The following NTRK2 variants were observed in gnomAD, a reference collection of about 807,000 sequenced individuals.
NTRK2 encodes neurotrophic receptor tyrosine kinase 2, also known as BDNF/NT-3 growth factors receptor.
Under a neutral mutation model 94.5 loss-of-function variants are expected in NTRK2, and 13 were observed. The ratio of observed to expected loss-of-function variants is 0.14; its 90% CI spans 0.09 to 0.22. The LOEUF is 0.22. Among genes scored for constraint, NTRK2 ranks in the 10% least tolerant of loss-of-function variants. The pLI is 1.00. For synonymous variants in NTRK2, 372 were observed against 407.4 expected, an observed-to-expected ratio of 0.91 and a Z score of 1.05; for missense variants, 639 against 1,071.2, an observed-to-expected ratio of 0.60 and a Z score of 5.63.
chr9:84,837,564 G>A (rs1291488555), intron 12 of NTRK2, among the ~76,000 whole-genome samples: 1 of 152,114 alleles, frequency 6.6e-6, no homozygotes, highest in African/African-American at 2.4e-5. Flanking sequence ...TGCTTTCGAG[G>A]GAGGCTTTGT....
intron 17 of NTRK2, among the ~76,000 whole-genome samples, chr9:84,996,241 A>G (rs1323127222): frequency 6.6e-6 from 1 of 152,260 alleles, no homozygotes; most frequent in Non-Finnish European, 1.5e-5. Flanking sequence ...GTGTGTGATT[A>G]AGCACTCTGA....
At position 84,724,277 on chromosome 9, in the gene NTRK2, T is replaced by A. The variant is rs760889003; in HGVS notation, c.774T>A (p.Asp258Glu). The A allele has an allele frequency of 6.2e-7, 1 of 1,614,182 alleles. No homozygotes were observed. The change falls in exon 8 of 19, where the codon GAT becomes GAA. Residue 258 changes from aspartate to glutamate, a missense_variant. Physicochemically the swap from Asp to Glu is conservative, Grantham distance 45. Transcript: ENST00000277120. ...TAAGGATAACTAACATTTCATCCGATGACAGTGGGAAGCAGATCTCTTGTG... is the reference window on the plus strand; with the variant it reads ...TAAGGATAACTAACATTTCATCCGAAGACAGTGGGAAGCAGATCTCTTGTG... ...GSLRITNISS[D>E]DSGKQISCVA...
At chr9:84,772,282 C>T (rs1255612287) in intron 12 of NTRK2, among the ~76,000 whole-genome samples, 1 of 151,946 alleles carries the variant, frequency 6.6e-6, no homozygotes, top group Non-Finnish European at 1.5e-5. Context: ...GACAGAGTCT[C>T]ACTCTGTCAT....
intron 14 of NTRK2, among the ~76,000 whole-genome samples, chr9:84,880,663 C>T (rs1230192869): frequency 2.0e-5 from 3 of 152,194 alleles, no homozygotes; most frequent in African/African-American, 7.2e-5. Flanking sequence ...AGCTGATATT[C>T]TTGAGCACTT....
intron 2 of NTRK2, among the ~76,000 whole-genome samples, chr9:84,685,855 AT>A (rs1299242408): frequency 6.6e-5 from 10 of 152,176 alleles, no homozygotes; most frequent in Admixed American, 4.6e-4. Flanking sequence ...GTCACTTAGT[AT>A]CATCAGTGTG....
intron 17 of NTRK2, among the ~76,000 whole-genome samples, chr9:84,978,423 A>G (rs1016877937): frequency 2.0e-5 from 3 of 152,226 alleles, no homozygotes; most frequent in African/African-American, 4.8e-5. Flanking sequence ...CCAAATTTAG[A>G]AAAAGGCTCT....
At chr9:84,730,739 T>A (rs1588215278) in intron 9 of NTRK2, among the ~76,000 whole-genome samples, 1 of 6,076 alleles carries the variant, frequency 1.6e-4, no homozygotes, top group Non-Finnish European at 4.5e-4. Context: ...AGACTCCGTC[T>A]CAAAAAAAAA....
At chr9:84,815,986 T>C (rs2072353030) in intron 12 of NTRK2, among the ~76,000 whole-genome samples, 1 of 107,772 alleles carries the variant, frequency 9.3e-6, no homozygotes, top group African/African-American at 2.7e-5. Flanking sequence ...TAAAAGGCAA[T>C]CCTTAAAAAA....
intron 16 of NTRK2, 34 bp from the exon 17 acceptor site, chr9:84,955,249 G>A (rs2132969274): frequency 6.5e-7 from 1 of 1,545,216 alleles, no homozygotes; most frequent in Non-Finnish European, 8.8e-7. Context: ...AAAATGCTGA[G>A]GCCCCCAGCT....
In NTRK2 at chr9:84,986,753, G is replaced by A. The variant is rs1828364746; in HGVS notation, c.2172+31236G>A. On this transcript the variant is annotated intron_variant, in intron 17 of 18. Transcript: ENST00000277120. ...AGAGAATGGACAAGAAAGGTCTAGAGAGAATGTAAGGGAGACAGAGCAGGA... is the reference window on the plus strand; with the variant it reads ...AGAGAATGGACAAGAAAGGTCTAGAAAGAATGTAAGGGAGACAGAGCAGGA... Among the ~76,000 whole-genome samples the A allele has an allele frequency of 3.9e-5, 6 of 152,374 alleles. No individual in the cohort carries two copies. The South Asian group carries it at 1.2e-3, about 32-fold the overall frequency.
chr9:84,948,257 G>A (rs1423461466), intron 15 of NTRK2, among the ~76,000 whole-genome samples: 1 of 152,212 alleles, frequency 6.6e-6, no homozygotes, highest in African/African-American at 2.4e-5. Flanking sequence ...AACCTAATGA[G>A]AGAACCTCTG....
chr9:84,939,434 T>C (rs1298762733), intron 15 of NTRK2, among the ~76,000 whole-genome samples: 1 of 152,176 alleles, frequency 6.6e-6, no homozygotes, highest in African/African-American at 2.4e-5. Context: ...TTTTCATTTA[T>C]TGAATTTTAC....
rs373047166 is a variant in NTRK2 at position 85,026,197 on chromosome 9, A to C, written c.*4760A>C. 6.2e-4 allele frequency: 142 copies of C among 229,678 alleles called. No homozygotes were observed. Among genetic ancestry groups the C allele is most frequent in the African/African-American group, 1.1e-3 (51 of 45,208 alleles). 14.2% of individuals were successfully genotyped at this position (229,678 alleles called of 1,614,324 possible). A position where few individuals can be genotyped will look rare whatever the true frequency, so the allele number is the denominator to read the frequency against. On this transcript the variant is annotated 3_prime_UTR_variant, in exon 19 of 19. Transcript: ENST00000277120. ...GGCAAAACACTGTGAATTTCACAAC[A>C]ACCACCACCAAGCAACTATTTTGCC...
At chr9:84,693,947 A>C (rs1416484907) in intron 2 of NTRK2, among the ~76,000 whole-genome samples, 2 of 152,180 alleles carry the variant, frequency 1.3e-5, no homozygotes, top group Non-Finnish European at 2.9e-5. Flanking sequence ...TTTATCTCCT[A>C]TTGTTGCTCT....
intron 2 of NTRK2, among the ~76,000 whole-genome samples, chr9:84,690,442 A>T (rs952526444): frequency 6.6e-6 from 1 of 152,240 alleles, no homozygotes; most frequent in Non-Finnish European, 1.5e-5. Flanking sequence ...CTTACAGTCC[A>T]GGCGAATCAT....
At chr9:84,713,760 G>A (rs1209870808) in intron 6 of NTRK2, among the ~76,000 whole-genome samples, 1 of 152,030 alleles carries the variant, frequency 6.6e-6, no homozygotes, top group African/African-American at 2.4e-5. Flanking sequence ...GAAGTCTGAG[G>A]TCAGTCTGTT....
chr9:84,947,457 A>G (rs1382793916), intron 15 of NTRK2, among the ~76,000 whole-genome samples: 3 of 152,178 alleles, frequency 2.0e-5, no homozygotes, highest in Non-Finnish European at 4.4e-5. Flanking sequence ...CATGCCAGTG[A>G]CCACACCCAA....
intron 5 of NTRK2, 56 bp downstream of exon 5, chr9:84,707,968 T>G: frequency 1.4e-6 from 2 of 1,411,546 alleles, no homozygotes; most frequent in Non-Finnish European, 2.0e-6. Context: ...AAGGGGTAAT[T>G]AAGTATTTTT....
At chr9:84,824,074 G>C (rs77871344) in intron 12 of NTRK2, among the ~76,000 whole-genome samples, 6,995 of 152,230 alleles carry the variant, frequency 0.046, 200 homozygotes, top group Admixed American at 0.089. Flanking sequence ...TAGTTTCAGT[G>C]GTTTAAGTTG....
Sources: gnomAD v4.1 joint callset for allele counts (sites outside exome capture counted in the v4.1 genomes callset) on GRCh38, gnomAD v4.1.1 for gene constraint, MANE v1.5 for transcripts, NCBI Gene and HGNC (gene_info 2026-07-23, HGNC 2026-07-21) for gene names.